LRP5: variants seen among roughly 807,000 people sequenced by gnomAD.
LRP5 encodes the protein LDL receptor related protein 5, also known as low-density lipoprotein receptor-related protein 5.
In LRP5, 62 loss-of-function variants were observed where a neutral mutation model predicts 154.1. That is an observed-to-expected ratio of 0.40 (90% CI 0.33 to 0.50). The LOEUF is 0.50. Ranked by LOEUF, LRP5 falls within the 20% of genes least tolerant of loss-of-function variation. The pLI, the probability that LRP5 is intolerant of heterozygous loss-of-function variation, is 0.55. For missense variants in LRP5, 1,915 were observed against 2,336.7 expected (o/e 0.82, Z 3.72); for synonymous variants, 966 against 1,011.5 (o/e 0.96, Z 0.85).
chr11:68,348,040 G>C lies in LRP5; in HGVS notation c.285G>C (p.Thr95=). Residue 95 remains threonine, a synonymous_variant, in exon 2 of 23, where the codon ACG becomes ACC. Transcript: ENST00000294304. The part of the protein sequence containing the change: ...EAIKQTYLNQ[T]GAAVQNVVIS... ...TCAAGCAGACCTACCTGAACCAGAC[G>C]GGGGCCGCCGTGCAGAACGTGGTCA... 6.2e-7 allele frequency: 1 copy of C among 1,614,108 alleles called. No individual in the cohort carries two copies. The highest frequency in any genetic ancestry group is 8.5e-7 in the Non-Finnish European group (1 of 1,180,028).
At chr11:68,341,707 G>A (rs528897114) in intron 1 of LRP5, among the ~76,000 whole-genome samples, 9 of 152,136 alleles carry the variant, frequency 5.9e-5, no homozygotes, top group African/African-American at 1.9e-4. Context: ...CAGGCCTGCC[G>A]GCTCCTTCTT....
the LRP5 span, among the ~76,000 whole-genome samples, chr11:68,299,162 C>T: frequency 6.6e-6 from 1 of 152,356 alleles, no homozygotes; most frequent in Non-Finnish European, 1.5e-5. Flanking sequence ...GGAGCTCCCA[C>T]CACAACTTGT....
rs1177127751 is a variant in LRP5, at chr11:68,366,977, C to T, written c.1015+1275C>T. Among the ~76,000 whole-genome samples, 6 of 138,470 alleles carry T rather than the reference C, an allele frequency of 4.3e-5. No homozygotes were observed. In the East Asian group the frequency reaches 1.5e-3, roughly 34 times the overall value. 90.8% of individuals were successfully genotyped at this position (138,470 alleles called of 152,430 possible). A position where few individuals can be genotyped will look rare whatever the true frequency, so the allele number is the denominator to read the frequency against. On this transcript the variant is annotated intron_variant, in intron 5 of 22. Transcript: ENST00000294304. Reference sequence around the variant, plus strand: ...TGCAGACAGAATCCCGGGCCTCTGGCGCTCGCACTCTGGGCTCTGGGGCTG... The same window carrying T: ...TGCAGACAGAATCCCGGGCCTCTGGTGCTCGCACTCTGGGCTCTGGGGCTG...
chr11:68,341,059 C>CCTT (rs1555071026), intron 1 of LRP5, among the ~76,000 whole-genome samples: 5 of 83,494 alleles, frequency 6.0e-5, no homozygotes, highest in Middle Eastern at 7.7e-3. Context: ...GGAGATTGTT[C>CCTT]TTTTTTTTTT....
chr11:68,423,538 C>T lies in LRP5; in HGVS notation c.3077C>T (p.Pro1026Leu), dbSNP rs201745746. Reference sequence around the variant, plus strand: ...CAAGGCCAAAACCCAGACAGGCAGCCCCACGACCTCAGCATCGACATCTAC... The same window carrying T: ...CAAGGCCAAAACCCAGACAGGCAGCTCCACGACCTCAGCATCGACATCTAC... The part of the protein sequence containing the change: ...LSQGQNPDRQ[P>L]HDLSIDIYSR... The change falls in exon 14 of 23, where the codon CCC (proline) becomes CTC (leucine). Residue 1026 changes from proline (P) to leucine (L), a missense_variant. Pro to Leu is a moderately conservative substitution (Grantham distance 98). This residue lies in a region of LRP5 where 1,094 missense variants were observed against 1,210.1 expected (regional missense o/e 0.90). Coordinates refer to ENST00000294304, the MANE Select transcript of LRP5 (RefSeq NM_002335.4). This position sits in a 1 kb window ranked among gnomAD's most constrained non-coding sequence, Gnocchi z 4.7. The T allele has an allele frequency of 1.2e-6, 2 of 1,614,216 alleles. No homozygotes were observed. Among genetic ancestry groups the T allele is most frequent in the Admixed American group, 3.3e-5 (2 of 60,032 alleles).
intron 1 of LRP5, among the ~76,000 whole-genome samples, chr11:68,329,658 C>T (rs1200424667): frequency 6.6e-6 from 1 of 152,306 alleles, no homozygotes; most frequent in African/African-American, 2.4e-5. Flanking sequence ...TCTGCCACTC[C>T]TCTCGCCTCC....
At chr11:68,308,470 C>A (rs757496983), upstream of LRP5, among the ~76,000 whole-genome samples, 1 of 152,106 alleles carries the variant, frequency 6.6e-6, no homozygotes, top group Non-Finnish European at 1.5e-5. Flanking sequence ...GTGAACATTT[C>A]CAAATTTGAG....
intron 2 of LRP5, among the ~76,000 whole-genome samples, chr11:68,352,466 C>T (rs563779673): frequency 1.5e-4 from 23 of 152,282 alleles, no homozygotes; most frequent in African/African-American, 4.3e-4. Context: ...TCCATGCCTA[C>T]GTGGTTTTGT....
At chr11:68,429,108 C>G (rs1382718054) in intron 16 of LRP5, among the ~76,000 whole-genome samples, 1 of 145,836 alleles carries the variant, frequency 6.9e-6, no homozygotes, top group Non-Finnish European at 1.5e-5. Flanking sequence ...AAAAAAAAAG[C>G]CAGGCATGGT....
chr11:68,380,732 G>A (rs554768553), intron 5 of LRP5, among the ~76,000 whole-genome samples: 10 of 152,334 alleles, frequency 6.6e-5, no homozygotes, highest in East Asian at 5.8e-4. Flanking sequence ...CAGTGCCAAT[G>A]CTGGTGGGTG....
intron 2 of LRP5, among the ~76,000 whole-genome samples, chr11:68,348,752 T>C (rs2098615854): frequency 6.6e-6 from 1 of 152,214 alleles, no homozygotes; most frequent in South Asian, 2.1e-4. Context: ...AAGACCACAC[T>C]GGGCAACATG....
chr11:68,373,707 G>A (rs922312194), intron 5 of LRP5, among the ~76,000 whole-genome samples: 9 of 152,166 alleles, frequency 5.9e-5, no homozygotes, highest in Admixed American at 3.3e-4. Context: ...AGCTGGCTTC[G>A]GTTTCTGCCA....
rs756223471 is a variant in LRP5 at position 68,449,093 on chromosome 11, T to C, written c.*23T>C. 2.9e-5 allele frequency: 44 copies of C among 1,512,208 alleles called. No individual in the cohort carries two copies. The highest frequency in any genetic ancestry group is 3.6e-5 in the Non-Finnish European group (41 of 1,134,388). The allele number at this position is 1,512,208 out of a possible 1,614,324, so 93.7% of individuals were successfully genotyped here. ...TGACCTCGGCCGGGCCACTCTGGCT[T>C]CTCTGTGCCCCTGTAAATAGTTTTA... On this transcript the variant is annotated 3_prime_UTR_variant, in exon 23 of 23. Coordinates refer to ENST00000294304, the MANE Select transcript of LRP5 (RefSeq NM_002335.4).
At chr11:68,390,179 A>G in intron 7 of LRP5, 127 bp downstream of exon 7, 1 of 1,166,436 alleles carries the variant, frequency 8.6e-7, no homozygotes. Context: ...GGAATGCTTG[A>G]GAAAATAGTT....
chr11:68,335,403 A>G (rs1301691561), intron 1 of LRP5, among the ~76,000 whole-genome samples: 1 of 151,042 alleles, frequency 6.6e-6, no homozygotes, highest in African/African-American at 2.4e-5. Context: ...TGTTTCTAAG[A>G]CACCTTATTT....
intron 18 of LRP5, among the ~76,000 whole-genome samples, chr11:68,434,917 A>G (rs2098674058): frequency 6.6e-6 from 1 of 152,268 alleles, no homozygotes; most frequent in African/African-American, 2.4e-5. Context: ...CTATAAAGGC[A>G]TAGTGGTTAA....
rs60991850 is a variant in LRP5 at position 68,434,397 on chromosome 11, C to CATTT, written c.4000+559_4000+560insATTT. Among the ~76,000 whole-genome samples the CATTT allele has an allele frequency of 1.2e-3, 152 of 123,670 alleles. 1 individual carries two copies. Among genetic ancestry groups the CATTT allele is most frequent in the African/African-American group, 4.3e-3 (142 of 32,770 alleles). 81.1% of individuals were successfully genotyped at this position (123,670 alleles called of 152,430 possible). A position where few individuals can be genotyped will look rare whatever the true frequency, so the allele number is the denominator to read the frequency against. On this transcript the variant is annotated intron_variant, in intron 18 of 22. Coordinates refer to ENST00000294304, the MANE Select transcript of LRP5 (RefSeq NM_002335.4). ...TCATTCATTCATTCATTCATTCATTCGAGACAGAGTCTTGCTCTGTCACCC... is the reference window on the plus strand; with the variant it reads ...TCATTCATTCATTCATTCATTCATTCATTTGAGACAGAGTCTTGCTCTGTCACCC...
chr11:68,443,576 TATATATATA>T (rs1323392142), intron 21 of LRP5, among the ~76,000 whole-genome samples: 43 of 42,112 alleles, frequency 1.0e-3, no homozygotes, highest in Non-Finnish European at 1.3e-3. Context: ...TATATATATA[TATATATATA>T]TTTTTTTTTT....
At chr11:68,336,735 C>CT (rs1475990199) in intron 1 of LRP5, among the ~76,000 whole-genome samples, 1 of 152,204 alleles carries the variant, frequency 6.6e-6, no homozygotes, top group Non-Finnish European at 1.5e-5. Flanking sequence ...TCCCAAAGTG[C>CT]TGAGATTACA....
Sources: gnomAD v4.1 joint callset for allele counts (sites outside exome capture counted in the v4.1 genomes callset) on GRCh38, gnomAD v4.1.1 for gene constraint, gnomAD v4.1.1 regional missense constraint, Gnocchi (gnomAD v3.1) non-coding constraint, MANE v1.5 for transcripts, NCBI Gene and HGNC (gene_info 2026-07-23, HGNC 2026-07-21) for gene names.